DGKI: variants seen among roughly 807,000 people sequenced by gnomAD.
The protein encoded by DGKI is DAG kinase iota.
DGKI carries 55 observed loss-of-function variants against 147.5 expected under a neutral mutation model. That is an observed-to-expected ratio of 0.37 (90% CI 0.30 to 0.47). The LOEUF (loss-of-function observed/expected upper bound fraction) is 0.47. DGKI is among the 20% of genes least tolerant of loss of function. The pLI, the probability that DGKI is intolerant of heterozygous loss-of-function variation, is 1.00. For missense variants in DGKI, 1,007 were observed against 1,323.8 expected (o/e 0.76, Z 3.71); for synonymous variants, 469 against 477.1 (o/e 0.98, Z 0.22).
intron 6 of DGKI, among the ~76,000 whole-genome samples, chr7:137,634,956 G>A (rs535860336): frequency 3.9e-5 from 6 of 152,330 alleles, no homozygotes; most frequent in Admixed American, 6.5e-5. Context: ...TGATGCACAG[G>A]CAGTGATAAA....
chr7:137,761,076 T>C (rs141322694), intron 1 of DGKI, among the ~76,000 whole-genome samples: 114 of 152,346 alleles, frequency 7.5e-4, no homozygotes, highest in African/African-American at 2.5e-3. Context: ...GTATTACCCT[T>C]TGATAACCAG....
At chr7:137,819,547 TG>T (rs903511025) in intron 1 of DGKI, among the ~76,000 whole-genome samples, 19 of 152,126 alleles carry the variant, frequency 1.2e-4, no homozygotes, top group Non-Finnish European at 2.2e-4. Context: ...CCTGACCTTG[TG>T]ATCTGCCCGT....
At chr7:137,781,727 A>ATGTTT (rs532140850) in intron 1 of DGKI, among the ~76,000 whole-genome samples, 115 of 152,304 alleles carry the variant, frequency 7.6e-4, no homozygotes, top group African/African-American at 2.4e-3. Flanking sequence ...TTTAACCTGA[A>ATGTTT]TGTTTTGTTT....
intron 20 of DGKI, chr7:137,545,953 C>T (rs1384839788): frequency 2.8e-6 from 2 of 702,672 alleles, no homozygotes; most frequent in Non-Finnish European, 5.2e-6. Context: ...CAGTTTGCAC[C>T]TGATGAATAC....
intron 1 of DGKI, among the ~76,000 whole-genome samples, chr7:137,759,856 GA>G (rs1006133327): frequency 2.7e-5 from 4 of 148,844 alleles, no homozygotes; most frequent in African/African-American, 4.9e-5. Flanking sequence ...AGCATCCTCA[GA>G]AAAAAAAACA....
intron 1 of DGKI, among the ~76,000 whole-genome samples, chr7:137,712,439 A>C (rs1794243790): frequency 6.6e-6 from 1 of 152,224 alleles, no homozygotes. Flanking sequence ...CCATATTAAC[A>C]ACAAATTCTA....
At chr7:137,618,279 T>C (rs1399110188) in intron 8 of DGKI, among the ~76,000 whole-genome samples, 2 of 147,628 alleles carry the variant, frequency 1.4e-5, no homozygotes, top group Non-Finnish European at 3.0e-5. Flanking sequence ...TGTATGTTCA[T>C]CTCCCACACA....
At chr7:137,484,393 A>C (rs1815479286) in intron 23 of DGKI, among the ~76,000 whole-genome samples, 1 of 152,108 alleles carries the variant, frequency 6.6e-6, no homozygotes, top group Non-Finnish European at 1.5e-5. Context: ...CACATTTATA[A>C]ATTTAGGCAT....
chr7:137,471,924 A>C (rs1461547862), intron 23 of DGKI, among the ~76,000 whole-genome samples: 2 of 142,126 alleles, frequency 1.4e-5, no homozygotes, highest in African/African-American at 5.2e-5. Context: ...CTATATGTAT[A>C]TATGTATATA....
At chr7:137,762,827 G>A (rs1291508374) in intron 1 of DGKI, among the ~76,000 whole-genome samples, 1 of 152,096 alleles carries the variant, frequency 6.6e-6, no homozygotes, top group East Asian at 1.9e-4. Context: ...TTGCTATGGC[G>A]TGCACATCTC....
At position 137,846,480 on chromosome 7, in the gene DGKI, C is replaced by T. The variant is rs909132494; in HGVS notation, c.383G>A (p.Arg128Gln). 5.0e-6 allele frequency: 8 copies of T among 1,593,002 alleles called. No homozygotes were observed. Among genetic ancestry groups the T allele is most frequent in the African/African-American group, 1.4e-5 (1 of 73,908 alleles). Residue 128 changes from arginine (R) to glutamine (Q), a missense_variant, in exon 1 of 33, where the codon CGG becomes CAG. Coordinates refer to ENST00000614521, the MANE Select transcript of DGKI (RefSeq NM_001321708.2). This position sits in a 1 kb window ranked among gnomAD's most constrained non-coding sequence, Gnocchi z 4.0. ...CACCTACCTGTACGAGACCTGCTTC[C>T]GGAAAGTTAAGTTCCTCAGCTTCTC... ...LEEKLRNLTFRKQVSYRKAIS... is the reference protein window; with the variant it reads ...LEEKLRNLTFQKQVSYRKAIS...
intron 1 of DGKI, among the ~76,000 whole-genome samples, chr7:137,836,518 A>G (rs539319153): frequency 8.1e-4 from 123 of 152,342 alleles, no homozygotes; most frequent in Non-Finnish European, 1.4e-3. Flanking sequence ...TAAAGTGCAC[A>G]TAAGTTAACC....
intron 1 of DGKI, among the ~76,000 whole-genome samples, chr7:137,818,104 G>A (rs144380754): frequency 7.9e-4 from 120 of 152,282 alleles, no homozygotes; most frequent in African/African-American, 2.7e-3. Context: ...ATTTTGAGAA[G>A]ATGGCAGGCT....
chr7:137,844,189 G>A (rs748207898), intron 1 of DGKI, among the ~76,000 whole-genome samples: 1 of 152,174 alleles, frequency 6.6e-6, no homozygotes, highest in Non-Finnish European at 1.5e-5. Context: ...GAGTGGGCAG[G>A]CCATTCACCA....
At chr7:137,600,337 C>T (rs1382881250) in intron 10 of DGKI, among the ~76,000 whole-genome samples, 2 of 152,088 alleles carry the variant, frequency 1.3e-5, no homozygotes, top group East Asian at 1.9e-4. Context: ...GTTAAAATCA[C>T]GGGCTTTGGT....
At chr7:137,823,263 T>C (rs1454871127) in intron 1 of DGKI, among the ~76,000 whole-genome samples, 2 of 152,162 alleles carry the variant, frequency 1.3e-5, no homozygotes, top group Non-Finnish European at 2.9e-5. Flanking sequence ...AGAATTAGAA[T>C]GGAATTTTTC....
At chr7:137,420,291 AC>A (rs1812516035) in intron 28 of DGKI, among the ~76,000 whole-genome samples, 1 of 152,206 alleles carries the variant, frequency 6.6e-6, no homozygotes, top group African/African-American at 2.4e-5. Flanking sequence ...TTGCGCATAT[AC>A]AAGGAGAGAG....
intron 20 of DGKI, among the ~76,000 whole-genome samples, chr7:137,525,671 C>A (rs1439603630): frequency 1.3e-5 from 2 of 152,102 alleles, no homozygotes; most frequent in Non-Finnish European, 2.9e-5. Flanking sequence ...ATTAAATGAG[C>A]CAATACATGT....
rs1198212386 is a variant in DGKI, at chr7:137,384,657, A to C, written c.*6563T>G. On this transcript the variant is annotated 3_prime_UTR_variant, in exon 33 of 33. Transcript: ENST00000614521. ...CCTCGTTGGGGTTGTTTTGAACCCCAACTGAAGCTCAAACATGTCAATACA... is the reference window on the plus strand; with the variant it reads ...CCTCGTTGGGGTTGTTTTGAACCCCCACTGAAGCTCAAACATGTCAATACA... The C allele has an allele frequency of 6.6e-6, 1 of 152,070 alleles. No homozygotes were observed. The highest frequency in any genetic ancestry group is 1.5e-5 in the Non-Finnish European group (1 of 67,970). The allele number at this position is 152,070 out of a possible 1,614,324, so 9.4% of individuals were successfully genotyped here.
Sources: allele counts gnomAD v4.1 joint callset (sites outside exome capture counted in the v4.1 genomes callset), GRCh38; gene constraint gnomAD v4.1.1; non-coding constraint Gnocchi (gnomAD v3.1); transcripts MANE v1.5; gene names NCBI Gene and HGNC (gene_info 2026-07-23, HGNC 2026-07-21).